Variants in PRKCB observed in about 807,000 individuals in gnomAD.
PRKCB encodes protein kinase C beta.
In PRKCB, 13 loss-of-function variants were observed where a neutral mutation model predicts 81.5. That is an observed-to-expected ratio of 0.16 (90% confidence interval 0.10 to 0.25). The LOEUF (loss-of-function observed/expected upper bound fraction) is 0.25. Among genes scored for constraint, PRKCB ranks in the 10% least tolerant of loss-of-function variants. The pLI, the probability that PRKCB is intolerant of heterozygous loss-of-function variation, is 1.00. For missense variants in PRKCB, 509 were observed against 875.7 expected (o/e 0.58, Z 5.29); for synonymous variants, 335 against 321.4 (o/e 1.04, Z -0.45).
chr16:24,160,034 A>G, intron 10 of PRKCB, among the ~76,000 whole-genome samples: 1 of 152,014 alleles, frequency 6.6e-6, no homozygotes, highest in Non-Finnish European at 1.5e-5. Flanking sequence ...CACTCTTACG[A>G]TCACATCTAA....
chr16:23,939,465 G>A (rs945385975), intron 2 of PRKCB, among the ~76,000 whole-genome samples: 11 of 152,204 alleles, frequency 7.2e-5, no homozygotes, highest in Admixed American at 5.9e-4. Flanking sequence ...GGAGGAATCA[G>A]TCTACCGTAG....
At chr16:24,064,376 T>C (rs1966008167) in intron 5 of PRKCB, among the ~76,000 whole-genome samples, 1 of 152,262 alleles carries the variant, frequency 6.6e-6, no homozygotes, top group Non-Finnish European at 1.5e-5. Context: ...TTCATGATGA[T>C]TTTTCCTATG....
intron 5 of PRKCB, among the ~76,000 whole-genome samples, chr16:24,047,788 G>A (rs1303661195): frequency 2.0e-5 from 3 of 152,212 alleles, no homozygotes; most frequent in Non-Finnish European, 4.4e-5. Flanking sequence ...TTAGGGCACA[G>A]GTTGGGACTA....
At chr16:23,993,625 A>G (rs1444977532) in intron 3 of PRKCB, among the ~76,000 whole-genome samples, 1 of 152,222 alleles carries the variant, frequency 6.6e-6, no homozygotes, top group Non-Finnish European at 1.5e-5. Flanking sequence ...CCTCTTCTCT[A>G]TAGACCAAAC....
chr16:24,095,629 T>G (rs35798496), intron 7 of PRKCB, among the ~76,000 whole-genome samples: 17,643 of 151,850 alleles, frequency 0.12, 1,247 homozygotes, highest in Middle Eastern at 0.22. Flanking sequence ...TCAGGCTCCT[T>G]TCATTCTCCT....
intron 3 of PRKCB, among the ~76,000 whole-genome samples, chr16:24,015,645 A>G (rs1272106556): frequency 2.0e-5 from 3 of 151,762 alleles, no homozygotes; most frequent in African/African-American, 7.3e-5. Flanking sequence ...CTTAAACTTC[A>G]TTTTCTCAGG....
At chr16:23,917,014 G>T (rs1963750936) in intron 2 of PRKCB, among the ~76,000 whole-genome samples, 1 of 152,056 alleles carries the variant, frequency 6.6e-6, no homozygotes, top group South Asian at 2.1e-4. Context: ...GGGCTCAAGT[G>T]ATAGGGTCAC....
intron 2 of PRKCB, among the ~76,000 whole-genome samples, chr16:23,928,620 A>C (rs1963929232): frequency 6.6e-6 from 1 of 152,060 alleles, no homozygotes; most frequent in African/African-American, 2.4e-5. Flanking sequence ...AGAGGAGGAC[A>C]GTGGGCGATA....
intron 5 of PRKCB, among the ~76,000 whole-genome samples, chr16:24,039,256 T>A (rs1483694381): frequency 1.3e-5 from 2 of 151,998 alleles, no homozygotes; most frequent in Non-Finnish European, 2.9e-5. Flanking sequence ...TTAGATGGAG[T>A]CTTGCTCTGT....
chr16:24,155,704 C>T (rs937832190), intron 10 of PRKCB, among the ~76,000 whole-genome samples: 1 of 152,224 alleles, frequency 6.6e-6, no homozygotes, highest in Non-Finnish European at 1.5e-5. Flanking sequence ...TGGGACACTA[C>T]AGTACTTTGC....
At chr16:23,848,676 G>C (rs965514080) in intron 2 of PRKCB, among the ~76,000 whole-genome samples, 6 of 152,164 alleles carry the variant, frequency 3.9e-5, no homozygotes, top group African/African-American at 1.4e-4. Context: ...GTGAAGAGTT[G>C]GTGTTTTGGA....
At chr16:24,122,886 A>G (rs1318788589) in intron 8 of PRKCB, among the ~76,000 whole-genome samples, 1 of 151,892 alleles carries the variant, frequency 6.6e-6, no homozygotes, top group Non-Finnish European at 1.5e-5. Context: ...ACCTGCTGCC[A>G]CTCTGAGCCC....
intron 9 of PRKCB, among the ~76,000 whole-genome samples, chr16:24,138,794 T>G (rs1381851903): frequency 2.6e-5 from 4 of 152,030 alleles, no homozygotes; most frequent in African/African-American, 9.7e-5. Context: ...CTCTGTTTCT[T>G]TAAGTTTGAC....
chr16:24,100,495 A>G (rs1387152771), intron 7 of PRKCB, among the ~76,000 whole-genome samples: 2 of 152,116 alleles, frequency 1.3e-5, no homozygotes, highest in Admixed American at 1.3e-4. Context: ...GAGGCCAGGA[A>G]CCTGCCTGAG....
Position 24,217,578 on chromosome 16 carries a change from G to T in PRKCB, c.*2762G>T, listed in dbSNP as rs1968248385. 5.1e-6 allele frequency: 5 copies of T among 985,300 alleles called. No individual in the cohort carries two copies. Among genetic ancestry groups the T allele is most frequent in the Admixed American group, 1.2e-4 (2 of 16,254 alleles). The allele number at this position is 985,300 out of a possible 1,614,324, so 61.0% of individuals were successfully genotyped here. ...AAAATCCAGGAGTATTTTCTCTGGG[G>T]ATCTGCCCACAGGACAAAGTCCATA... On this transcript the variant is annotated 3_prime_UTR_variant, in exon 17 of 17. Transcript: ENST00000643927.
At chr16:23,930,957 A>C (rs950108127) in intron 2 of PRKCB, among the ~76,000 whole-genome samples, 8 of 152,246 alleles carry the variant, frequency 5.3e-5, no homozygotes, top group African/African-American at 1.9e-4. Context: ...GAAAGCAGGC[A>C]GCAGAGCTGA....
chr16:23,882,289 G>T (rs1963136755), intron 2 of PRKCB, among the ~76,000 whole-genome samples: 1 of 149,818 alleles, frequency 6.7e-6, no homozygotes, highest in Admixed American at 6.7e-5. Flanking sequence ...TTGCTATGTT[G>T]CCCAGGGTTG....
chr16:24,217,777 G>A lies in PRKCB; in HGVS notation c.*2961G>A. The A allele has an allele frequency of 1.0e-6, 1 of 985,394 alleles. No homozygotes were observed. Among genetic ancestry groups the A allele is most frequent in the Non-Finnish European group, 1.2e-6 (1 of 829,940 alleles). The allele number at this position is 985,394 out of a possible 1,614,324, so 61.0% of individuals were successfully genotyped here. A position where few individuals can be genotyped will look rare whatever the true frequency, so the allele number is the denominator to read the frequency against. ...GAGACCAGGGGAGACCTAAAAAAAA[G>A]GCAGCTTTGTGTCTTCTAGCTCCAA... On this transcript the variant is annotated 3_prime_UTR_variant, in exon 17 of 17. Coordinates refer to ENST00000643927, the MANE Select transcript of PRKCB (RefSeq NM_002738.7).
chr16:24,191,098 C>A lies in PRKCB; in HGVS notation c.1731C>A (p.Thr577=), dbSNP rs1405934843. 6.2e-7 allele frequency: 1 copy of A among 1,613,532 alleles called. No homozygotes were observed. Among genetic ancestry groups the A allele is most frequent in the Non-Finnish European group, 8.5e-7 (1 of 1,179,744 alleles). ...EAVAICKGLM[T]KHPGKRLGCG... is the part of the protein sequence containing the mutation. Reference sequence around the variant, plus strand: ...TTTTCTTTCTCTCGAAGCTGATGACCAAACACCCAGGCAAACGTCTGGGTT... The same window carrying A: ...TTTTCTTTCTCTCGAAGCTGATGACAAAACACCCAGGCAAACGTCTGGGTT... Residue 577 remains threonine, a synonymous_variant, in exon 16 of 17, where the codon ACC becomes ACA. Transcript: ENST00000643927.
Sources: allele counts gnomAD v4.1 joint callset (sites outside exome capture counted in the v4.1 genomes callset), GRCh38; gene constraint gnomAD v4.1.1; transcripts MANE v1.5; gene names NCBI Gene and HGNC (gene_info 2026-07-23, HGNC 2026-07-21).